Variants in ZNF527 observed in about 807,000 individuals in gnomAD.
ZNF527 encodes the protein zinc finger protein 527.
A neutral mutation model predicts 13.5 loss-of-function variants in ZNF527; 5 were observed. The observed-to-expected ratio is 0.37, with a 90% CI of 0.19 to 0.78. The LOEUF is 0.78. Ranked by LOEUF, ZNF527 falls within the 30% of genes least tolerant of loss-of-function variation. The pLI is 0.48. For synonymous variants in ZNF527, 209 were observed against 243.1 expected (o/e 0.86, Z 1.30); for missense variants, 628 against 726.4 (o/e 0.86, Z 1.56).
At position 37,389,744 on chromosome 19, in the gene ZNF527, G is replaced by C. The variant is rs778463045; in HGVS notation, c.1695G>C (p.Gln565His). The C allele has an allele frequency of 2.8e-5, 45 of 1,613,710 alleles. No homozygotes were observed. The Admixed American group carries it at 7.5e-4, about 27-fold the overall frequency. ...ECSECGKAFH[Q>H]ILSLRLHQRI... ...GTGAATGTGGGAAGGCTTTTCATCA[G>C]ATCTTGTCCCTAAGACTACACCAGA... is the stretch of plus-strand genomic sequence containing the variant. Residue 565 changes from glutamine to histidine, a missense_variant, in exon 5 of 5, where the codon CAG becomes CAC. Physicochemically the swap from Gln to His is conservative, Grantham distance 24. Transcript: ENST00000436120.
At chr19:37,382,733 G>A (rs1214175549) in intron 4 of ZNF527, among the ~76,000 whole-genome samples, 1 of 152,128 alleles carries the variant, frequency 6.6e-6, no homozygotes, top group Non-Finnish European at 1.5e-5. Flanking sequence ...GTTTGAGATG[G>A]AGTCTCGCTC....
At chr19:37,386,237 G>T (rs112539307) in intron 4 of ZNF527, among the ~76,000 whole-genome samples, 5 of 136,186 alleles carry the variant, frequency 3.7e-5, no homozygotes, top group African/African-American at 1.4e-4. Context: ...CCACCTGCCA[G>T]TTCAAGCAAT....
chr19:37,380,420 C>T (rs1272929536), intron 4 of ZNF527, 48 bp downstream of exon 4: 1 of 1,519,410 alleles, frequency 6.6e-7, no homozygotes, highest in Admixed American at 1.7e-5. Flanking sequence ...AGGTACTCAA[C>T]CAAGTAGTAA....
chr19:37,380,392 G>T lies in ZNF527; in HGVS notation c.256+20G>T. The T allele has an allele frequency of 6.2e-7, 1 of 1,602,888 alleles. No homozygotes were observed. Among genetic ancestry groups the T allele is most frequent in the Non-Finnish European group, 8.5e-7 (1 of 1,170,250 alleles). ...GTGCAGGTGAGTGACAGATCACCAG[G>T]CAGGGAGGACTATTGTAAGGTACTC... On this transcript the variant is annotated intron_variant, in intron 4 of 4. Transcript: ENST00000436120.
intron 3 of ZNF527, chr19:37,379,457 TTTC>T: frequency 8.7e-6 from 3 of 346,386 alleles, no homozygotes; most frequent in Non-Finnish European, 9.8e-6. Flanking sequence ...CATGAAGTAA[TTTC>T]TTTTTTTTTT....
At chr19:37,385,159 G>A in intron 4 of ZNF527, 1 of 457,246 alleles carries the variant, frequency 2.2e-6, no homozygotes, top group Non-Finnish European at 3.9e-6. Flanking sequence ...CTGATTTGTA[G>A]TAGAACTAAA....
Position 37,380,365 on chromosome 19 carries a change from C to G in ZNF527, c.249C>G (p.His83Gln), listed in dbSNP as rs1479304627. Residue 83 changes from histidine to glutamine, a missense_variant, in exon 4 of 5, where the codon CAC (histidine) becomes CAG (glutamine). By Grantham distance (24) the His-to-Gln change is conservative. Transcript: ENST00000436120. ...WMVERKMSQG[H>Q]CADWESWCEI... ...TGGAGAGAAAGATGTCACAGGGTCA[C>G]TGTGCAGGTGAGTGACAGATCACCA... 1.2e-6 allele frequency: 2 copies of G among 1,613,844 alleles called. No homozygotes were observed. The highest frequency in any genetic ancestry group is 1.7e-6 in the Non-Finnish European group (2 of 1,179,800).
chr19:37,371,700 A>G (rs151079606), intron 1 of ZNF527, among the ~76,000 whole-genome samples: 2 of 152,062 alleles, frequency 1.3e-5, no homozygotes, highest in Non-Finnish European at 2.9e-5. Context: ...TTGTGACAAG[A>G]TGTGTGACTT....
chr19:37,391,162 T>TTC lies in ZNF527; in HGVS notation c.*1284_*1285dup, dbSNP rs1423895293. 1 of 152,242 alleles carries TTC rather than the reference T, an allele frequency of 6.6e-6. No homozygotes were observed. Among genetic ancestry groups the TTC allele is most frequent in the Non-Finnish European group, 1.5e-5 (1 of 68,046 alleles). The allele number at this position is 152,242 out of a possible 1,614,324, so 9.4% of individuals were successfully genotyped here. On this transcript the variant is annotated 3_prime_UTR_variant, in exon 5 of 5. Coordinates refer to ENST00000436120, the MANE Select transcript of ZNF527 (RefSeq NM_032453.2). Reference sequence around the variant, plus strand: ...CTTTCATTTGTTTAATGAATGGCTCTTCATCTTCAAGGAATTACTTGATTT... The same window carrying TTC: ...CTTTCATTTGTTTAATGAATGGCTCTTCTCATCTTCAAGGAATTACTTGATTT...
At chr19:37,383,118 C>G (rs2040668237) in intron 4 of ZNF527, among the ~76,000 whole-genome samples, 1 of 152,180 alleles carries the variant, frequency 6.6e-6, no homozygotes, top group South Asian at 2.1e-4. Flanking sequence ...TAATCCAACA[C>G]AAATTTATTG....
intron 2 of ZNF527, among the ~76,000 whole-genome samples, chr19:37,378,078 G>A (rs989766534): frequency 4.7e-5 from 7 of 150,046 alleles, no homozygotes; most frequent in Non-Finnish European, 1.0e-4. Context: ...CACCCAGGCT[G>A]GAAGTACAGT....
At chr19:37,374,973 G>A (rs1321485926) in intron 2 of ZNF527, among the ~76,000 whole-genome samples, 1 of 152,174 alleles carries the variant, frequency 6.6e-6, no homozygotes, top group Non-Finnish European at 1.5e-5. Flanking sequence ...GAGATTCTGG[G>A]TATAGACTGG....
chr19:37,387,120 C>A (rs185235171), intron 4 of ZNF527, among the ~76,000 whole-genome samples: 1 of 152,206 alleles, frequency 6.6e-6, no homozygotes, highest in African/African-American at 2.4e-5. Context: ...ATACTGGAGA[C>A]AGCTTTACTT....
chr19:37,383,678 A>G (rs1881065607), intron 4 of ZNF527, among the ~76,000 whole-genome samples: 1 of 151,770 alleles, frequency 6.6e-6, no homozygotes, highest in Non-Finnish European at 1.5e-5. Flanking sequence ...AGCTGGGACT[A>G]CAGGTGCGTA....
chr19:37,372,038 T>A (rs981923735), intron 1 of ZNF527, among the ~76,000 whole-genome samples: 24 of 151,736 alleles, frequency 1.6e-4, no homozygotes, highest in Non-Finnish European at 1.8e-4. Context: ...CTCACTCTAT[T>A]GCCCAGGCTG....
At chr19:37,385,281 G>A (rs886964184) in intron 4 of ZNF527, 10 of 435,484 alleles carry the variant, frequency 2.3e-5, no homozygotes, top group African/African-American at 2.0e-4. Flanking sequence ...CAAGGTTAAT[G>A]TCAAATTCAT....
Position 37,390,108 on chromosome 19 carries a change from A to T in ZNF527, c.*229A>T. ...CAGTGGTGTAATCTTGGCTCACTGC[A>T]GCCTCTGCCTCCTGGGTTCAAGCAA... On this transcript the variant is annotated 3_prime_UTR_variant, in exon 5 of 5. Transcript: ENST00000436120. The T allele has an allele frequency of 2.7e-6, 1 of 370,256 alleles. No homozygotes were observed. The highest frequency in any genetic ancestry group is 4.7e-6 in the Non-Finnish European group (1 of 212,484). The allele number at this position is 370,256 out of a possible 1,614,324, so 22.9% of individuals were successfully genotyped here. A position where few individuals can be genotyped will look rare whatever the true frequency, so the allele number is the denominator to read the frequency against.
chr19:37,384,758 ATTT>A, intron 4 of ZNF527: 1 of 526,424 alleles, frequency 1.9e-6, no homozygotes, highest in Non-Finnish European at 3.4e-6. Context: ...TATGGTTTTA[ATTT>A]ACTAGTGATA....
At chr19:37,380,430 A>G in intron 4 of ZNF527, 58 bp downstream of exon 4, 1 of 1,455,624 alleles carries the variant, frequency 6.9e-7, no homozygotes, top group Non-Finnish European at 9.5e-7. Context: ...CCAAGTAGTA[A>G]GTAGGAAACT....
Sources: gnomAD v4.1 joint callset for allele counts (sites outside exome capture counted in the v4.1 genomes callset) on GRCh38, gnomAD v4.1.1 for gene constraint, MANE v1.5 for transcripts, NCBI Gene and HGNC (gene_info 2026-07-23, HGNC 2026-07-21) for gene names.